EEPD1: variants seen among roughly 807,000 people sequenced by gnomAD.
The protein encoded by EEPD1 is endonuclease/exonuclease/phosphatase family domain containing 1.
In EEPD1, 17 loss-of-function variants were observed where a neutral mutation model predicts 46.3. That is an observed-to-expected ratio of 0.37 (90% CI 0.25 to 0.55). EEPD1 has a LOEUF of 0.55. Among genes scored for constraint, EEPD1 ranks in the 20% least tolerant of loss-of-function variants. The pLI is 0.83. For synonymous variants in EEPD1, 313 were observed against 315.6 expected, an observed-to-expected ratio of 0.99 and a Z score of 0.09; for missense variants, 673 against 745.6, an observed-to-expected ratio of 0.90 and a Z score of 1.13.
At chr7:36,158,903 TAAG>T (rs1018367244) in intron 2 of EEPD1, among the ~76,000 whole-genome samples, 2 of 152,182 alleles carry the variant, frequency 1.3e-5, no homozygotes, top group African/African-American at 2.4e-5. Flanking sequence ...CCAAAAGAAA[TAAG>T]AAGATTTAAC....
At chr7:36,262,789 C>T (rs1583470626) in intron 3 of EEPD1, among the ~76,000 whole-genome samples, 1 of 152,316 alleles carries the variant, frequency 6.6e-6, no homozygotes, top group Admixed American at 6.5e-5. Flanking sequence ...ACTCACCCAA[C>T]TCCTGAGATC....
At chr7:36,257,659 GT>G (rs1028363800) in intron 3 of EEPD1, among the ~76,000 whole-genome samples, 2 of 152,108 alleles carry the variant, frequency 1.3e-5, no homozygotes, top group African/African-American at 4.8e-5. Flanking sequence ...TCATGCTGTG[GT>G]TTTCAGCTCC....
chr7:36,189,363 A>G (rs1371307465), intron 2 of EEPD1, among the ~76,000 whole-genome samples: 1 of 152,252 alleles, frequency 6.6e-6, no homozygotes, highest in Non-Finnish European at 1.5e-5. Flanking sequence ...TAAGAAAAAC[A>G]AATCAGTGAA....
chr7:36,298,661 G>A (rs897084185), intron 7 of EEPD1, among the ~76,000 whole-genome samples: 2 of 152,134 alleles, frequency 1.3e-5, no homozygotes, highest in African/African-American at 4.8e-5. Context: ...GACTTGGGAT[G>A]TCTTTATGAG....
chr7:36,215,926 G>C (rs1388860740), intron 2 of EEPD1, among the ~76,000 whole-genome samples: 1 of 152,222 alleles, frequency 6.6e-6, no homozygotes, highest in East Asian at 1.9e-4. Flanking sequence ...CAAAGACAAA[G>C]AGAGGATGGG....
chr7:36,184,154 A>T lies in EEPD1; in HGVS notation c.878+28952A>T, dbSNP rs193213948. ...CAAGTGAAAGTAGCTACAGCTGATAAATAGATGAAGGTGATTGTGTTCTAA... is the reference window on the plus strand; with the variant it reads ...CAAGTGAAAGTAGCTACAGCTGATATATAGATGAAGGTGATTGTGTTCTAA... On this transcript the variant is annotated intron_variant, in intron 2 of 7. Transcript: ENST00000242108. Among the ~76,000 whole-genome samples, 9 of 152,256 alleles carry T rather than the reference A, an allele frequency of 5.9e-5. No homozygotes were observed. The East Asian group carries it at 1.7e-3, about 29-fold the overall frequency.
chr7:36,297,888 A>G (rs571808199), intron 7 of EEPD1, among the ~76,000 whole-genome samples: 1 of 152,360 alleles, frequency 6.6e-6, no homozygotes, highest in South Asian at 2.1e-4. Context: ...CAGTATTTCT[A>G]AACTCTGACT....
intron 5 of EEPD1, 95 bp from the exon 6 acceptor site, chr7:36,287,544 C>T: frequency 3.3e-6 from 5 of 1,511,502 alleles, no homozygotes; most frequent in Non-Finnish European, 4.5e-6. Flanking sequence ...CCATTGTCAA[C>T]TCTGTGCACA....
intron 2 of EEPD1, chr7:36,229,206 C>T (rs2392430): frequency 0.13 from 19,808 of 152,064 alleles, 1,706 homozygotes; most frequent in East Asian, 0.42. Flanking sequence ...TTAGGGTCTT[C>T]ACATTCTTCT....
intron 2 of EEPD1, among the ~76,000 whole-genome samples, chr7:36,188,386 GTCA>G (rs2115672408): frequency 6.6e-6 from 1 of 152,304 alleles, no homozygotes; most frequent in African/African-American, 2.4e-5. Context: ...ATGATGTATT[GTCA>G]TGGGTCATTG....
intron 2 of EEPD1, among the ~76,000 whole-genome samples, chr7:36,172,219 A>G (rs181059650): frequency 3.3e-5 from 5 of 152,322 alleles, no homozygotes; most frequent in Admixed American, 6.5e-5. Context: ...TCAGGAAAGT[A>G]GAATCTCTCT....
intron 6 of EEPD1, among the ~76,000 whole-genome samples, chr7:36,292,487 C>CTTTT (rs1787462406): frequency 6.7e-6 from 1 of 150,172 alleles, no homozygotes. Flanking sequence ...CTCTCTTTCT[C>CTTTT]TCTCTTTTTC....
Position 36,299,266 on chromosome 7 carries a change from C to A in EEPD1, c.*60C>A. ...GGAGGGCACAGCCAAGGAATGAGCCCTGTGGGGTGACGCTTCAGGGCAGAG... is the reference window on the plus strand; with the variant it reads ...GGAGGGCACAGCCAAGGAATGAGCCATGTGGGGTGACGCTTCAGGGCAGAG... On this transcript the variant is annotated 3_prime_UTR_variant, in exon 8 of 8. Transcript: ENST00000242108. 1 of 1,567,080 alleles carries A rather than the reference C, an allele frequency of 6.4e-7. No homozygotes were observed. Among genetic ancestry groups the A allele is most frequent in the Non-Finnish European group, 8.7e-7 (1 of 1,152,482 alleles).
intron 2 of EEPD1, among the ~76,000 whole-genome samples, chr7:36,188,089 C>T (rs115020036): frequency 0.016 from 2,390 of 152,258 alleles, 60 homozygotes; most frequent in African/African-American, 0.055. Flanking sequence ...AGCCACTGTG[C>T]CTGGCCTGTG....
Position 36,296,976 on chromosome 7 carries a change from C to T in EEPD1, c.1316-17C>T. 1 of 1,612,416 alleles carries T rather than the reference C, an allele frequency of 6.2e-7. No homozygotes were observed. Among genetic ancestry groups the T allele is most frequent in the Non-Finnish European group, 8.5e-7 (1 of 1,178,760 alleles). ...TCCCAACAACTCTTAAACTCATTTTCTTCCTTCCACTTCCAGGAGAAAAGG... is the reference window on the plus strand; with the variant it reads ...TCCCAACAACTCTTAAACTCATTTTTTTCCTTCCACTTCCAGGAGAAAAGG... On this transcript the variant is annotated splice_polypyrimidine_tract_variant and intron_variant, in intron 6 of 7. Coordinates refer to ENST00000242108, the MANE Select transcript of EEPD1 (RefSeq NM_030636.3).
In EEPD1 at chr7:36,299,197, C is replaced by T. The variant is rs776464799; in HGVS notation, c.1701C>T (p.His567=). 106 of 1,613,794 alleles carry T rather than the reference C, an allele frequency of 6.6e-5. No individual in the cohort carries two copies. Among genetic ancestry groups the T allele is most frequent in the South Asian group, 1.2e-4 (11 of 91,044 alleles). The stretch of plus-strand genomic sequence containing the variant: ...AGCGAAGTGAAGCCAACATCAAGCA[C>T]GAGCGATGATGACACCAAATCCATG... ...ALERSEANIK[H]ER The change falls in exon 8 of 8, where the codon CAC becomes CAT. Residue 567 remains histidine (H), a synonymous_variant. Coordinates refer to ENST00000242108, the MANE Select transcript of EEPD1 (RefSeq NM_030636.3).
chr7:36,244,178 T>G (rs35936772), intron 3 of EEPD1, among the ~76,000 whole-genome samples: 38,114 of 151,620 alleles, frequency 0.25, 4,907 homozygotes, highest in East Asian at 0.37. Context: ...AATGACAACC[T>G]GCCTTTGAGT....
At chr7:36,207,637 G>T (rs563416546) in intron 2 of EEPD1, among the ~76,000 whole-genome samples, 2 of 152,204 alleles carry the variant, frequency 1.3e-5, no homozygotes, top group Non-Finnish European at 2.9e-5. Flanking sequence ...GAACCTGCTC[G>T]ATCAGGTGAC....
chr7:36,230,033 G>C lies in EEPD1; in HGVS notation c.879-8952G>C, dbSNP rs1465222740. Among the ~76,000 whole-genome samples, 3 of 151,974 alleles carry C rather than the reference G, an allele frequency of 2.0e-5. No individual in the cohort carries two copies. In the South Asian group the frequency reaches 6.2e-4, roughly 32 times the overall value. ...CCCCAGTGTATCCAAGACCAGACTC[G>C]CATCTTCAGCACTGCTTGGCTCCCT... On this transcript the variant is annotated intron_variant, in intron 2 of 7. Coordinates refer to ENST00000242108, the MANE Select transcript of EEPD1 (RefSeq NM_030636.3).
Sources: allele counts gnomAD v4.1 joint callset (sites outside exome capture counted in the v4.1 genomes callset), GRCh38; gene constraint gnomAD v4.1.1; transcripts MANE v1.5; gene names NCBI Gene and HGNC (gene_info 2026-07-23, HGNC 2026-07-21).